The following PAX9 variants were observed in gnomAD, a reference collection of about 807,000 sequenced individuals.
PAX9 encodes paired box 9, also known as paired box protein Pax-9.
PAX9 carries 6 observed loss-of-function variants against 29.1 expected under a neutral mutation model. That is an observed-to-expected ratio of 0.21 (90% confidence interval 0.11 to 0.41). The LOEUF is 0.41. Among genes scored for constraint, PAX9 ranks in the 10% least tolerant of loss-of-function variants. The pLI is 1.00. For missense variants in PAX9, 443 were observed against 479.1 expected (o/e 0.92, Z 0.70); for synonymous variants, 217 against 211.7 (o/e 1.03, Z -0.22).
chr14:36,674,154 A>C (rs1881797379), intron 3 of PAX9, among the ~76,000 whole-genome samples: 3 of 152,374 alleles, frequency 2.0e-5, no homozygotes, highest in Middle Eastern at 6.8e-3. Context: ...TGAGAGCCTT[A>C]AAGTGTGTCT....
At position 36,678,090 on chromosome 14, in the gene PAX9, A is replaced by G. The variant is rs78835570; in HGVS notation, c.*1638A>G. On this transcript the variant is annotated 3_prime_UTR_variant, in exon 4 of 4. Transcript: ENST00000361487. ...AATAACTAAAAGAGCACCTCACTGG[A>G]TATGGATGTTGAAGATGGATTCCCT... The G allele has an allele frequency of 6.4e-3, 1,191 of 185,576 alleles. 8 individuals are homozygous for G. Among genetic ancestry groups the G allele is most frequent in the African/African-American group, 0.026 (1,108 of 43,086 alleles). The allele number at this position is 185,576 out of a possible 1,614,324, so 11.5% of individuals were successfully genotyped here. A position where few individuals can be genotyped will look rare whatever the true frequency, so the allele number is the denominator to read the frequency against.
In PAX9 at chr14:36,666,473, T is replaced by G; in HGVS notation, c.643T>G (p.Ser215Ala). ...CTTCTCTCCATCAGTGAGCGACAGC[T>G]CCCCCTACCACAGCCCCAAGGTGGA... is the stretch of plus-strand genomic sequence containing the variant. ...RSITDQVSDS[S>A]PYHSPKVEEW... The change falls in exon 3 of 4, where the codon TCC (serine) becomes GCC (alanine). Residue 215 changes from serine (S) to alanine (A), a missense_variant. Transcript: ENST00000361487. 1 of 1,610,210 alleles carries G rather than the reference T, an allele frequency of 6.2e-7. No homozygotes were observed. Among genetic ancestry groups the G allele is most frequent in the Non-Finnish European group, 8.5e-7 (1 of 1,178,720 alleles).
At position 36,662,969 on chromosome 14, in the gene PAX9, G is replaced by A; in HGVS notation, c.77G>A (p.Arg26Gln). Residue 26 changes from arginine to glutamine, a missense_variant, in exon 2 of 4, where the codon CGG (arginine) becomes CAG (glutamine). Arg to Gln is a conservative substitution (Grantham distance 43). Around this residue, in one of 2 missense-constraint regions of PAX9, gnomAD observed 107 missense variants for 161.9 expected, o/e 0.66. Transcript: ENST00000361487. ...GGGAGGCCGCTGCCCAACGCCATCCGGCTTCGCATCGTGGAACTGGCCCAA... is the reference window on the plus strand; with the variant it reads ...GGGAGGCCGCTGCCCAACGCCATCCAGCTTCGCATCGTGGAACTGGCCCAA... The part of the protein sequence containing the change: ...VNGRPLPNAI[R>Q]LRIVELAQLG... 1 of 1,613,564 alleles carries A rather than the reference G, an allele frequency of 6.2e-7. No individual in the cohort carries two copies. Among genetic ancestry groups the A allele is most frequent in the Non-Finnish European group, 8.5e-7 (1 of 1,179,992 alleles).
At position 36,678,468 on chromosome 14, in the gene PAX9, C is replaced by T; in HGVS notation, c.*2016C>T. ...TTTGATCTTGTAAAACTTCCATTGA[C>T]ATCTGGAGTTCCCAGTCTGGTGAGA... On this transcript the variant is annotated 3_prime_UTR_variant, in exon 4 of 4. Coordinates refer to ENST00000361487, the MANE Select transcript of PAX9 (RefSeq NM_001372076.1). 6.5e-7 allele frequency: 1 copy of T among 1,533,400 alleles called. No homozygotes were observed. Among genetic ancestry groups the T allele is most frequent in the Non-Finnish European group, 8.7e-7 (1 of 1,143,442 alleles). 95.0% of individuals were successfully genotyped at this position (1,533,400 alleles called of 1,614,324 possible). A position where few individuals can be genotyped will look rare whatever the true frequency, so the allele number is the denominator to read the frequency against.
At chr14:36,666,441 A>G in intron 2 of PAX9, 21 bp from the exon 3 acceptor site, 5 of 1,607,800 alleles carry the variant, frequency 3.1e-6, no homozygotes, top group Non-Finnish European at 4.2e-6. Flanking sequence ...CCGGCCTGAC[A>G]CCCTCTCTTC....
intron 3 of PAX9, among the ~76,000 whole-genome samples, chr14:36,674,769 C>A (rs1881821086): frequency 6.6e-6 from 1 of 152,170 alleles, no homozygotes; most frequent in South Asian, 2.1e-4. Flanking sequence ...AAAGAACCAA[C>A]ATTGAAAAAC....
chr14:36,669,990 A>G (rs867460905), intron 3 of PAX9, among the ~76,000 whole-genome samples: 5 of 152,070 alleles, frequency 3.3e-5, no homozygotes, highest in South Asian at 4.1e-4. Context: ...TGTTGAAAGC[A>G]TAAAACTCCA....
In PAX9 at chr14:36,678,437, T is replaced by A. The variant is rs1566482198; in HGVS notation, c.*1985T>A. 7 of 1,446,062 alleles carry A rather than the reference T, an allele frequency of 4.8e-6. No individual in the cohort carries two copies. The highest frequency in any genetic ancestry group is 5.6e-6 in the Non-Finnish European group (6 of 1,063,676). 89.6% of individuals were successfully genotyped at this position (1,446,062 alleles called of 1,614,324 possible). A position where few individuals can be genotyped will look rare whatever the true frequency, so the allele number is the denominator to read the frequency against. On this transcript the variant is annotated 3_prime_UTR_variant, in exon 4 of 4. Transcript: ENST00000361487. ...AGCAGATGAACTCTCAGGGCCATAG[T>A]CTTCCTTTGATCTTGTAAAACTTCC... is the stretch of plus-strand genomic sequence containing the variant.
In PAX9 at chr14:36,679,156, G is replaced by A; in HGVS notation, c.*2704G>A. 1.0e-6 allele frequency: 1 copy of A among 985,308 alleles called. No homozygotes were observed. The highest frequency in any genetic ancestry group is 1.7e-5 in the African/African-American group (1 of 57,322). The allele number at this position is 985,308 out of a possible 1,614,324, so 61.0% of individuals were successfully genotyped here. A position where few individuals can be genotyped will look rare whatever the true frequency, so the allele number is the denominator to read the frequency against. On this transcript the variant is annotated 3_prime_UTR_variant, in exon 4 of 4. Coordinates refer to ENST00000361487, the MANE Select transcript of PAX9 (RefSeq NM_001372076.1). ...ACCTGCAAGGATAGAATGCAGTTGT[G>A]CAACAGAGACACATTCTTATTTCTT...
rs1881912578 is a variant in PAX9, at chr14:36,676,820, C to A, written c.*368C>A. On this transcript the variant is annotated 3_prime_UTR_variant, in exon 4 of 4. Coordinates refer to ENST00000361487, the MANE Select transcript of PAX9 (RefSeq NM_001372076.1). ...CATGTGTATATTTATTCTAAATCAA[C>A]CTGAACTTTTGAAATGTGCAATTGT... 1.2e-5 allele frequency: 3 copies of A among 260,368 alleles called. No homozygotes were observed. Among genetic ancestry groups the A allele is most frequent in the Admixed American group, 5.0e-5 (1 of 20,136 alleles). 16.1% of individuals were successfully genotyped at this position (260,368 alleles called of 1,614,324 possible).
Position 36,677,578 on chromosome 14 carries a change from A to C in PAX9, c.*1126A>C, listed in dbSNP as rs1486775074. ...TAAATTGTCCTATTATTGTTGGCTT[A>C]CCTGTGTGTTCAGCAATCTCAGCCC... is the stretch of plus-strand genomic sequence containing the variant. On this transcript the variant is annotated 3_prime_UTR_variant, in exon 4 of 4. Transcript: ENST00000361487. The C allele has an allele frequency of 6.6e-6, 1 of 152,232 alleles. No homozygotes were observed. The highest frequency in any genetic ancestry group is 2.4e-5 in the African/African-American group (1 of 41,450). 9.4% of individuals were successfully genotyped at this position (152,232 alleles called of 1,614,324 possible).
intron 3 of PAX9, among the ~76,000 whole-genome samples, chr14:36,666,831 G>A (rs1241839875): frequency 6.6e-6 from 1 of 152,228 alleles, no homozygotes; most frequent in African/African-American, 2.4e-5. Context: ...GCTCGTCAGG[G>A]CGCTGGGGGT....
In PAX9 at chr14:36,663,508, T is replaced by C. The variant is rs1881371186; in HGVS notation, c.616T>C (p.Ser206Pro). 1.2e-6 allele frequency: 2 copies of C among 1,612,714 alleles called. No homozygotes were observed. Among genetic ancestry groups the C allele is most frequent in the Non-Finnish European group, 1.7e-6 (2 of 1,179,886 alleles). ...HSVTDILGIR[S>P]ITDQVSDSSP... ...CGTCACCGACATCCTGGGCATCCGC[T>C]CCATCACCGACCAAGGTAGGGGCTC... The change falls in exon 2 of 4, where the codon TCC becomes CCC. Residue 206 changes from serine (S) to proline (P), a missense_variant. By Grantham distance (74) the Ser-to-Pro change is moderately conservative. This residue lies in a region of PAX9 where 336 missense variants were observed against 317.2 expected (regional missense o/e 1.06). Coordinates refer to ENST00000361487, the MANE Select transcript of PAX9 (RefSeq NM_001372076.1).
At chr14:36,673,808 A>T (rs1881784077) in intron 3 of PAX9, among the ~76,000 whole-genome samples, 1 of 152,176 alleles carries the variant, frequency 6.6e-6, no homozygotes, top group Non-Finnish European at 1.5e-5. Context: ...TATAATATTA[A>T]ATTTTTTAAC....
At chr14:36,667,179 A>G (rs981129680) in intron 3 of PAX9, among the ~76,000 whole-genome samples, 2 of 152,070 alleles carry the variant, frequency 1.3e-5, no homozygotes, top group African/African-American at 4.8e-5. Flanking sequence ...CAAAGCTACC[A>G]TTTTCTCGAC....
In PAX9 at chr14:36,666,543, C is replaced by A. The variant is rs759493655; in HGVS notation, c.713C>A (p.Pro238Gln). 1.3e-6 allele frequency: 2 copies of A among 1,591,636 alleles called. No individual in the cohort carries two copies. Among genetic ancestry groups the A allele is most frequent in the East Asian group, 2.3e-5 (1 of 43,602 alleles). The change falls in exon 3 of 4, where the codon CCG becomes CAG. Residue 238 changes from proline to glutamine, a missense_variant. By Grantham distance (76) the Pro-to-Gln change is moderately conservative. Around this residue, in one of 2 missense-constraint regions of PAX9, gnomAD observed 336 missense variants for 317.2 expected, o/e 1.06. Transcript: ENST00000361487. The stretch of plus-strand genomic sequence containing the variant: ...CGCAACAACTTCCCCGCCGCCGCCC[C>A]GCACGCGGTGAACGGGTTGGAGAAG... ...LGRNNFPAAAPHAVNGLEKGA... is the reference protein window; with the variant it reads ...LGRNNFPAAAQHAVNGLEKGA...
upstream of PAX9, among the ~76,000 whole-genome samples, chr14:36,660,933 A>G (rs913278002): frequency 6.6e-6 from 1 of 152,242 alleles, no homozygotes; most frequent in Non-Finnish European, 1.5e-5. Context: ...AATTACATCC[A>G]TGTGCAGCGT....
At chr14:36,676,085 G>T in intron 3 of PAX9, 113 bp from the exon 4 acceptor site, 1 of 1,057,698 alleles carries the variant, frequency 9.5e-7, no homozygotes, top group Non-Finnish European at 1.4e-6. Flanking sequence ...TTGGAGAGTA[G>T]AGTCAGAGCA....
chr14:36,672,889 A>T, intron 3 of PAX9, among the ~76,000 whole-genome samples: 1 of 21,934 alleles, frequency 4.6e-5, no homozygotes, highest in East Asian at 3.8e-3. Context: ...TTTTGAGATG[A>T]AGTCTCACTC....
Sources: allele counts gnomAD v4.1 joint callset (sites outside exome capture counted in the v4.1 genomes callset), GRCh38; gene constraint gnomAD v4.1.1; regional missense constraint gnomAD v4.1.1; transcripts MANE v1.5; gene names NCBI Gene and HGNC (gene_info 2026-07-23, HGNC 2026-07-21).